Variants in RARB observed in about 807,000 individuals in gnomAD.
The protein encoded by RARB is HBV-activated protein.
RARB carries 17 observed loss-of-function variants against 51.9 expected under a neutral mutation model. The observed-to-expected ratio is 0.33, with a 90% CI of 0.22 to 0.49. RARB has a LOEUF of 0.49. RARB is among the 20% of genes least tolerant of loss of function. RARB has a pLI of 0.99. For missense variants in RARB, 369 were observed against 550.8 expected (o/e 0.67, Z 3.30); for synonymous variants, 215 against 195.4 (o/e 1.10, Z -0.84).
At chr3:25,016,374 T>G (rs1352038611) in intron 2 of RARB, among the ~76,000 whole-genome samples, 1 of 152,194 alleles carries the variant, frequency 6.6e-6, no homozygotes, top group Admixed American at 6.5e-5. Context: ...CCCTGCAGAC[T>G]GTAGGATGTT....
intron 2 of RARB, among the ~76,000 whole-genome samples, chr3:24,915,956 A>G (rs1695098479): frequency 3.3e-5 from 5 of 152,168 alleles, no homozygotes. Flanking sequence ...GGAGTCAGGG[A>G]GAGAGAGGCA....
At chr3:25,335,508 T>C (rs1217331740) in intron 5 of RARB, among the ~76,000 whole-genome samples, 1 of 152,210 alleles carries the variant, frequency 6.6e-6, no homozygotes, top group East Asian at 1.9e-4. Context: ...CTTGTGCATA[T>C]CAGGCCAGGT....
chr3:25,174,420 G>A, exon 5 of RARB: 2 of 1,352,106 alleles, frequency 1.5e-6, no homozygotes, highest in Non-Finnish European at 2.0e-6. Context: ...GGCCACGCAT[G>A]TCCGGTCCCA....
rs1559484297 is a variant in RARB at position 25,594,623 on chromosome 3, C to T, written c.1095C>T (p.His365=). 1 of 1,613,684 alleles carries T rather than the reference C, an allele frequency of 6.2e-7. No homozygotes were observed. Among genetic ancestry groups the T allele is most frequent in the Non-Finnish European group, 8.5e-7 (1 of 1,179,836 alleles). ...GAAAAAGACGACCCAGCAAGCCTCA[C>T]ATGTTTCCAAAGATCTTAATGAAAA... ...YIRKRRPSKP[H]MFPKILMKIT... Residue 365 remains histidine (H), a synonymous_variant, in exon 7 of 8, where the codon CAC becomes CAT. Transcript: ENST00000330688.
intron 5 of RARB, among the ~76,000 whole-genome samples, chr3:25,314,630 C>G (rs1283677488): frequency 1.3e-5 from 2 of 152,020 alleles, no homozygotes; most frequent in South Asian, 4.2e-4. Context: ...TTTTTTTCCT[C>G]CTATCTAAAT....
chr3:25,347,032 G>A (rs910826972), intron 5 of RARB, among the ~76,000 whole-genome samples: 1 of 152,198 alleles, frequency 6.6e-6, no homozygotes, highest in African/African-American at 2.4e-5. Context: ...TCAGAAGAGG[G>A]AAGCTTTAAA....
chr3:25,532,236 T>C (rs1240149933), intron 3 of RARB, among the ~76,000 whole-genome samples: 1 of 152,206 alleles, frequency 6.6e-6, no homozygotes, highest in Non-Finnish European at 1.5e-5. Context: ...AGAGTAATAT[T>C]GAATATCCCT....
At chr3:25,340,744 G>A (rs1050068730) in intron 5 of RARB, among the ~76,000 whole-genome samples, 11 of 152,192 alleles carry the variant, frequency 7.2e-5, no homozygotes, top group African/African-American at 2.7e-4. Flanking sequence ...AGAACAAGAA[G>A]GAAGTAGGTC....
chr3:25,568,737 C>T (rs77915362), intron 3 of RARB, among the ~76,000 whole-genome samples: 8 of 152,340 alleles, frequency 5.3e-5, no homozygotes, highest in African/African-American at 1.9e-4. Context: ...GTGCAGATTC[C>T]CAGGTCACAG....
Position 25,308,784 on chromosome 3 carries a change from A to G in RARB, c.178+134209A>G, listed in dbSNP as rs74278574. Among the ~76,000 whole-genome samples, 74 of 152,078 alleles carry G rather than the reference A, an allele frequency of 4.9e-4. No homozygotes were observed. In the East Asian group the frequency reaches 9.3e-3, roughly 19 times the overall value. The stretch of plus-strand genomic sequence containing the variant: ...TTTCTTATTCAAGTTATATATTCCA[A>G]TTTACTTTTTTTGTTCCTCTTGTGG... On this transcript the variant is annotated intron_variant, in intron 5 of 11. Coordinates refer to the RARB transcript ENST00000383772.
At chr3:25,078,291 T>A (rs1347264138) in intron 3 of RARB, among the ~76,000 whole-genome samples, 1 of 151,674 alleles carries the variant, frequency 6.6e-6, no homozygotes, top group African/African-American at 2.4e-5. Flanking sequence ...TCACTCTAAC[T>A]TTTGTGTGGT....
At chr3:24,946,241 G>T (rs562236882) in intron 2 of RARB, among the ~76,000 whole-genome samples, 4 of 137,016 alleles carry the variant, frequency 2.9e-5, no homozygotes, top group African/African-American at 1.1e-4. Flanking sequence ...TCCAGCCTGG[G>T]GGACAAAATG....
At chr3:25,134,313 A>G (rs1699997710) in intron 4 of RARB, among the ~76,000 whole-genome samples, 1 of 151,966 alleles carries the variant, frequency 6.6e-6, no homozygotes, top group Non-Finnish European at 1.5e-5. Flanking sequence ...GGCACATAGG[A>G]TATAGGAGGC....
chr3:24,984,359 A>G (rs1487684160), intron 2 of RARB, among the ~76,000 whole-genome samples: 1 of 152,236 alleles, frequency 6.6e-6, no homozygotes, highest in Non-Finnish European at 1.5e-5. Flanking sequence ...TATTTAGTAC[A>G]TACCAGTGAG....
chr3:24,931,141 A>G (rs965400933), intron 2 of RARB, among the ~76,000 whole-genome samples: 1 of 152,032 alleles, frequency 6.6e-6, no homozygotes, highest in African/African-American at 2.4e-5. Context: ...ACTTTTAAGT[A>G]CTCTGCTATG....
At chr3:25,308,001 A>T (rs1280688188) in intron 5 of RARB, among the ~76,000 whole-genome samples, 2 of 152,226 alleles carry the variant, frequency 1.3e-5, no homozygotes, top group Admixed American at 6.5e-5. Flanking sequence ...CTGGCCCTTT[A>T]CAGAAAAAGT....
intron 3 of RARB, among the ~76,000 whole-genome samples, chr3:25,509,315 T>G (rs1379732410): frequency 6.6e-6 from 1 of 152,246 alleles, no homozygotes; most frequent in Non-Finnish European, 1.5e-5. Flanking sequence ...GCACCGTGCT[T>G]GGCACATAGT....
intron 3 of RARB, among the ~76,000 whole-genome samples, chr3:25,074,421 C>T (rs17015771): frequency 0.029 from 4,462 of 152,172 alleles, 224 homozygotes; most frequent in African/African-American, 0.1. Context: ...TGCTATTTCC[C>T]GTTACTCCCT....
At chr3:24,958,475 T>C (rs1291599415) in intron 2 of RARB, among the ~76,000 whole-genome samples, 1 of 152,068 alleles carries the variant, frequency 6.6e-6, no homozygotes, top group African/African-American at 2.4e-5. Context: ...AACAGAGCCA[T>C]TAAAATTCTC....
Sources: allele counts gnomAD v4.1 joint callset (sites outside exome capture counted in the v4.1 genomes callset), GRCh38; gene constraint gnomAD v4.1.1; transcripts MANE v1.5; gene names NCBI Gene and HGNC (gene_info 2026-07-23, HGNC 2026-07-21).